Variants in DACH1 observed in about 807,000 individuals in gnomAD.
The protein encoded by DACH1 is dachshund family transcription factor 1.
A neutral mutation model predicts 54.2 loss-of-function variants in DACH1; 12 were observed. That is an observed-to-expected ratio of 0.22 (90% CI 0.14 to 0.36). The LOEUF is 0.36. Ranked by LOEUF, DACH1 falls within the 10% of genes least tolerant of loss-of-function variation. DACH1 has a pLI of 1.00. For missense variants in DACH1, 805 were observed against 929.8 expected (o/e 0.87, Z 1.75); for synonymous variants, 386 against 366.2 (o/e 1.05, Z -0.62).
intron 1 of DACH1, among the ~76,000 whole-genome samples, chr13:71,782,310 T>C (rs1391872675): frequency 6.6e-6 from 1 of 151,936 alleles, no homozygotes; most frequent in East Asian, 1.9e-4. Flanking sequence ...GGCATGGTGA[T>C]GCATGCCTGT....
chr13:71,489,258 C>A, intron 6 of DACH1, 110 bp from the exon 7 acceptor site: 1 of 1,238,116 alleles, frequency 8.1e-7, no homozygotes, highest in Non-Finnish European at 1.1e-6. Context: ...CAAATTGGTT[C>A]CTGCTATCAG....
rs1014252712 is a variant in DACH1, at chr13:71,438,383, C to A, written c.*2272G>T. The A allele has an allele frequency of 2.0e-5, 3 of 152,328 alleles. No individual in the cohort carries two copies. Among genetic ancestry groups the A allele is most frequent in the African/African-American group, 7.2e-5 (3 of 41,416 alleles). 9.4% of individuals were successfully genotyped at this position (152,328 alleles called of 1,614,324 possible). Reference sequence around the variant, plus strand: ...CCAAAACACAAATTTCCAAACCAACCTGTATAACTAAAACAGGGAAAAAAT... The same window carrying A: ...CCAAAACACAAATTTCCAAACCAACATGTATAACTAAAACAGGGAAAAAAT... On this transcript the variant is annotated 3_prime_UTR_variant, in exon 11 of 11. Coordinates refer to ENST00000613252, the MANE Select transcript of DACH1 (RefSeq NM_080759.6).
intron 10 of DACH1, among the ~76,000 whole-genome samples, chr13:71,461,842 G>A (rs1876101216): frequency 6.6e-6 from 1 of 151,840 alleles, no homozygotes; most frequent in Non-Finnish European, 1.5e-5. Context: ...AGAAAATAAA[G>A]ACATCAAAAT....
intron 1 of DACH1, among the ~76,000 whole-genome samples, chr13:71,787,574 G>A (rs1437046165): frequency 6.6e-6 from 1 of 152,058 alleles, no homozygotes; most frequent in East Asian, 1.9e-4. Flanking sequence ...ATGTAGCCTC[G>A]CTTCGCTTGC....
chr13:71,578,240 C>T (rs761979997), intron 3 of DACH1, among the ~76,000 whole-genome samples: 27 of 152,114 alleles, frequency 1.8e-4, no homozygotes, highest in Non-Finnish European at 3.2e-4. Context: ...TAGATTGTGA[C>T]GGGAACCTGA....
intron 1 of DACH1, among the ~76,000 whole-genome samples, chr13:71,724,103 A>T (rs1343237134): frequency 6.6e-6 from 1 of 152,238 alleles, no homozygotes; most frequent in African/African-American, 2.4e-5. Flanking sequence ...GCATTCACTT[A>T]AACCTAAGGT....
intron 1 of DACH1, among the ~76,000 whole-genome samples, chr13:71,750,355 A>C (rs190896470): frequency 1.3e-5 from 2 of 152,310 alleles, no homozygotes; most frequent in Admixed American, 6.5e-5. Flanking sequence ...CACTGCCGCA[A>C]AAATGCCACA....
intron 1 of DACH1, among the ~76,000 whole-genome samples, chr13:71,815,435 T>A (rs1431496186): frequency 6.6e-6 from 1 of 152,156 alleles, no homozygotes; most frequent in African/African-American, 2.4e-5. Context: ...GCACTTTTTC[T>A]TACATATAGA....
intron 1 of DACH1, among the ~76,000 whole-genome samples, chr13:71,843,260 T>C (rs1873003060): frequency 6.6e-6 from 1 of 151,948 alleles, no homozygotes; most frequent in African/African-American, 2.4e-5. Flanking sequence ...ATGTACTGAA[T>C]GTTATTTATG....
At chr13:71,475,971 T>A in intron 8 of DACH1, 122 bp from the exon 9 acceptor site, 1 of 716,300 alleles carries the variant, frequency 1.4e-6, no homozygotes, top group Non-Finnish European at 2.0e-6. Flanking sequence ...TGAGTCTACC[T>A]ATAAAAAGAA....
chr13:71,460,466 A>G (rs1016276544), intron 10 of DACH1, among the ~76,000 whole-genome samples: 3 of 152,028 alleles, frequency 2.0e-5, no homozygotes, highest in African/African-American at 4.8e-5. Context: ...GATTTGTTCT[A>G]TTGTTTAACA....
chr13:71,715,825 C>T (rs961848158), intron 1 of DACH1, among the ~76,000 whole-genome samples: 1 of 151,528 alleles, frequency 6.6e-6, no homozygotes, highest in East Asian at 1.9e-4. Context: ...AAATCTATAC[C>T]CCTCAAATAA....
intron 4 of DACH1, among the ~76,000 whole-genome samples, chr13:71,560,354 A>T (rs977904566): frequency 1.1e-4 from 16 of 152,330 alleles, no homozygotes; most frequent in African/African-American, 3.6e-4. Context: ...GTATCTAAAG[A>T]TCATGTAATA....
At position 71,577,563 on chromosome 13, in the gene DACH1, T is replaced by C. The variant is rs145106868; in HGVS notation, c.1127-4551A>G. On this transcript the variant is annotated intron_variant, in intron 3 of 10. Coordinates refer to ENST00000613252, the MANE Select transcript of DACH1 (RefSeq NM_080759.6). ...GATTCAGTTGCTATAATAAGCACAA[T>C]TGTTTTTTACTTTCTTTAAAATGAG... Among the ~76,000 whole-genome samples, 150 of 152,310 alleles carry C rather than the reference T, an allele frequency of 9.8e-4. 1 individual carries two copies. In the East Asian group the frequency reaches 0.023, roughly 24 times the overall value.
At chr13:71,761,269 A>T (rs1267924874) in intron 1 of DACH1, among the ~76,000 whole-genome samples, 1 of 152,128 alleles carries the variant, frequency 6.6e-6, no homozygotes, top group Non-Finnish European at 1.5e-5. Context: ...GGTAGTAGTC[A>T]TTATATTTTC....
intron 3 of DACH1, among the ~76,000 whole-genome samples, chr13:71,579,218 T>C (rs953346116): frequency 2.0e-5 from 3 of 152,132 alleles, no homozygotes; most frequent in African/African-American, 7.2e-5. Flanking sequence ...ATACTGATGC[T>C]ATTAGTGTTC....
At chr13:71,816,787 G>T (rs1170626938) in intron 1 of DACH1, among the ~76,000 whole-genome samples, 4 of 151,864 alleles carry the variant, frequency 2.6e-5, no homozygotes, top group African/African-American at 9.7e-5. Context: ...GGAGGCCATT[G>T]TCCTTAGCAA....
At chr13:71,668,202 T>C (rs897506582) in intron 2 of DACH1, among the ~76,000 whole-genome samples, 7 of 152,006 alleles carry the variant, frequency 4.6e-5, no homozygotes, top group Admixed American at 3.3e-4. Flanking sequence ...TTAAAGATAA[T>C]CTTGATAATA....
chr13:71,443,751 T>A (rs1874211195), intron 10 of DACH1, among the ~76,000 whole-genome samples: 2 of 152,166 alleles, frequency 1.3e-5, no homozygotes, highest in South Asian at 4.1e-4. Flanking sequence ...AACTGTCATT[T>A]CTGATTGATA....
Sources: gnomAD v4.1 joint callset for allele counts (sites outside exome capture counted in the v4.1 genomes callset) on GRCh38, gnomAD v4.1.1 for gene constraint, MANE v1.5 for transcripts, NCBI Gene and HGNC (gene_info 2026-07-23, HGNC 2026-07-21) for gene names.